The following TBCCD1 variants were observed in gnomAD, a reference collection of about 807,000 sequenced individuals.
TBCCD1 encodes the protein TBCC domain containing 1.
Under a neutral mutation model 53.4 loss-of-function variants are expected in TBCCD1, and 26 were observed. The observed-to-expected ratio is 0.49, with a 90% CI of 0.36 to 0.68. The LOEUF is 0.68. Among genes scored for constraint, TBCCD1 ranks in the 30% least tolerant of loss-of-function variants. The pLI, the probability that TBCCD1 is intolerant of heterozygous loss-of-function variation, is 0.00. For missense variants in TBCCD1, 558 were observed against 669.5 expected (o/e 0.83, Z 1.84); for synonymous variants, 245 against 241.7 (o/e 1.01, Z -0.13).
At position 186,559,528 on chromosome 3, in the gene TBCCD1, C is replaced by G. The variant is rs192703381; in HGVS notation, c.337-956G>C. Among the ~76,000 whole-genome samples, 192 of 152,268 alleles carry G rather than the reference C, an allele frequency of 1.3e-3. 1 individual carries two copies. Among genetic ancestry groups the G allele is most frequent in the African/African-American group, 4.4e-3 (184 of 41,548 alleles). On this transcript the variant is annotated intron_variant, in intron 2 of 7. Coordinates refer to ENST00000338733, the MANE Select transcript of TBCCD1 (RefSeq NM_018138.5). Reference sequence around the variant, plus strand: ...CTGATTACCCTCATCTACCCACCCCCATACAGGAGAGGCAAAAAAGTAAAG... The same window carrying G: ...CTGATTACCCTCATCTACCCACCCCGATACAGGAGAGGCAAAAAAGTAAAG...
chr3:186,565,640 G>T (rs1199658558), intron 1 of TBCCD1, among the ~76,000 whole-genome samples: 2 of 152,134 alleles, frequency 1.3e-5, no homozygotes, highest in East Asian at 3.8e-4. Context: ...TAATGGGTAC[G>T]TGGGGGGCTC....
chr3:186,558,628 C>A, intron 2 of TBCCD1, 56 bp from the exon 3 acceptor site: 2 of 1,567,238 alleles, frequency 1.3e-6, no homozygotes, highest in South Asian at 1.2e-5. Flanking sequence ...AACCACTAGT[C>A]TAACAACTAA....
chr3:186,553,896 G>A (rs1246507657), intron 6 of TBCCD1, among the ~76,000 whole-genome samples: 3 of 151,302 alleles, frequency 2.0e-5, no homozygotes, highest in African/African-American at 4.9e-5. Context: ...TGCCCAGGCC[G>A]GAGTGCAATG....
intron 2 of TBCCD1, 36 bp downstream of exon 2, chr3:186,563,958 A>G: frequency 2.7e-6 from 4 of 1,508,684 alleles, no homozygotes; most frequent in Non-Finnish European, 3.5e-6. Context: ...GTTTCTTTCC[A>G]AAAGTAATTA....
chr3:186,569,085 G>A (rs1201272604), upstream of TBCCD1, among the ~76,000 whole-genome samples: 1 of 151,932 alleles, frequency 6.6e-6, no homozygotes, highest in Non-Finnish European at 1.5e-5. Context: ...AGTGTTTCAG[G>A]CAAAGGCAAT....
At chr3:186,550,462 T>C (rs1438345635) in intron 7 of TBCCD1, among the ~76,000 whole-genome samples, 1 of 151,836 alleles carries the variant, frequency 6.6e-6, no homozygotes, top group Admixed American at 6.6e-5. Flanking sequence ...GGTGCATGCC[T>C]GTTTTCCCAG....
At chr3:186,551,611 C>T (rs945237085) in intron 6 of TBCCD1, among the ~76,000 whole-genome samples, 49 of 152,170 alleles carry the variant, frequency 3.2e-4, no homozygotes, top group African/African-American at 1.1e-3. Flanking sequence ...CAGAGGGCAC[C>T]ATTCACATTG....
At position 186,556,657 on chromosome 3, in the gene TBCCD1, A is replaced by T; in HGVS notation, c.611T>A (p.Val204Glu). Residue 204 changes from valine (V) to glutamate (E), a missense_variant, in exon 4 of 8, where the codon GTG becomes GAG. Physicochemically the swap from Val to Glu is moderately radical, Grantham distance 121. Transcript: ENST00000338733. ...GAGCGCCACAACAGCTTCTCGAGACACTAGACTACTATGGGTTGAATGAAA... is the reference window on the plus strand; with the variant it reads ...GAGCGCCACAACAGCTTCTCGAGACTCTAGACTACTATGGGTTGAATGAAA... ...ASFHSTHSSL[V>E]SREAVVALSF... 1 of 1,614,206 alleles carries T rather than the reference A, an allele frequency of 6.2e-7. No individual in the cohort carries two copies. The highest frequency in any genetic ancestry group is 8.5e-7 in the Non-Finnish European group (1 of 1,180,042).
At chr3:186,570,045 C>T (rs1264877410), upstream of TBCCD1, 3 of 647,474 alleles carry the variant, frequency 4.6e-6, no homozygotes, top group Non-Finnish European at 5.7e-6. Context: ...AGTGCTTTGC[C>T]TCAGTTTTGT....
At chr3:186,550,839 G>T (rs1446581107) in intron 7 of TBCCD1, among the ~76,000 whole-genome samples, 2 of 152,146 alleles carry the variant, frequency 1.3e-5, no homozygotes, top group Non-Finnish European at 2.9e-5. Context: ...TTAGAACTAT[G>T]TATGGGGGAA....
chr3:186,556,572 A>C lies in TBCCD1; in HGVS notation c.696T>G (p.Leu232=). The part of the protein sequence containing the change: ...RARKIYPLHE[L]ALWQPLHADS... ...CTGCATGCAGTGGTTGCCACAGTGC[A>C]AGTTCATGAAGTGGATAGATCTTCC... is the stretch of plus-strand genomic sequence containing the variant. Residue 232 remains leucine (L), a synonymous_variant, in exon 4 of 8, where the codon CTT becomes CTG. Coordinates refer to ENST00000338733, the MANE Select transcript of TBCCD1 (RefSeq NM_018138.5). 6.2e-7 allele frequency: 1 copy of C among 1,614,194 alleles called. No homozygotes were observed. The highest frequency in any genetic ancestry group is 1.3e-5 in the African/African-American group (1 of 75,054).
chr3:186,562,031 C>T (rs1268529911), intron 2 of TBCCD1, among the ~76,000 whole-genome samples: 3 of 152,188 alleles, frequency 2.0e-5, no homozygotes, highest in East Asian at 1.9e-4. Flanking sequence ...TAATGGAGTA[C>T]CATTTGGCCT....
At chr3:186,548,880 C>G (rs1291860830) in intron 7 of TBCCD1, among the ~76,000 whole-genome samples, 2 of 151,924 alleles carry the variant, frequency 1.3e-5, no homozygotes, top group Non-Finnish European at 2.9e-5. Context: ...AAAATGACAA[C>G]TATGTGAGGT....
chr3:186,566,423 T>C (rs1422963348), intron 1 of TBCCD1, among the ~76,000 whole-genome samples: 3 of 152,236 alleles, frequency 2.0e-5, no homozygotes, highest in Admixed American at 6.5e-5. Flanking sequence ...CCAGGTATCA[T>C]GCTCATGATT....
chr3:186,562,429 G>A (rs1714714067), intron 2 of TBCCD1, among the ~76,000 whole-genome samples: 3 of 152,178 alleles, frequency 2.0e-5, no homozygotes, highest in African/African-American at 7.2e-5. Flanking sequence ...AAACACGCCA[G>A]ACACAGAAAG....
At chr3:186,565,612 A>T (rs1333587258) in intron 1 of TBCCD1, among the ~76,000 whole-genome samples, 1 of 152,188 alleles carries the variant, frequency 6.6e-6, no homozygotes, top group Non-Finnish European at 1.5e-5. Context: ...CAAAATACTG[A>T]TCATTATTGA....
intron 7 of TBCCD1, among the ~76,000 whole-genome samples, chr3:186,550,740 T>C (rs574499827): frequency 1.3e-5 from 2 of 152,338 alleles, no homozygotes; most frequent in South Asian, 4.1e-4. Context: ...ACTGCTAATA[T>C]GTGTAATTAG....
intron 7 of TBCCD1, among the ~76,000 whole-genome samples, chr3:186,549,223 G>A (rs1560222365): frequency 1.3e-5 from 2 of 152,170 alleles, no homozygotes; most frequent in Non-Finnish European, 2.9e-5. Context: ...GGGAAGTGAC[G>A]GTTGCAGTGA....
In TBCCD1 at chr3:186,551,177, T is replaced by A; in HGVS notation, c.1647A>T (p.Ala549=). ...RQQLDSLVPP[A]AGSKQAAG is the part of the protein sequence containing the mutation. ...ATCCAGCTGCTTGTTTGGAGCCTGC[T>A]GCAGGGGGTACAAGGCTGTCCAGCT... Residue 549 remains alanine (A), a synonymous_variant, in exon 7 of 8, where the codon GCA becomes GCT. Transcript: ENST00000338733. 1.2e-6 allele frequency: 2 copies of A among 1,612,368 alleles called. No homozygotes were observed. Among genetic ancestry groups the A allele is most frequent in the Middle Eastern group, 4.3e-4 (2 of 4,690 alleles).
Sources: gnomAD v4.1 joint callset for allele counts (sites outside exome capture counted in the v4.1 genomes callset) on GRCh38, gnomAD v4.1.1 for gene constraint, MANE v1.5 for transcripts, NCBI Gene and HGNC (gene_info 2026-07-23, HGNC 2026-07-21) for gene names.